Variants in IL31RA observed in about 807,000 individuals in gnomAD.
The protein encoded by IL31RA is interleukin-31 receptor subunit alpha.
Under a neutral mutation model 83.7 loss-of-function variants are expected in IL31RA, and 66 were observed. That is an observed-to-expected ratio of 0.79 (90% CI 0.65 to 0.97). IL31RA has a LOEUF of 0.97. Ranked by LOEUF, IL31RA falls within the 50% of genes least tolerant of loss-of-function variation. The probability of loss-of-function intolerance (pLI) is 0.00; values close to 1 mark genes in which losing one functional copy is unlikely to be tolerated. For synonymous variants in IL31RA, 325 were observed against 329.0 expected (o/e 0.99, Z 0.13); for missense variants, 798 against 919.4 (o/e 0.87, Z 1.71).
At chr5:55,891,997 G>C (rs931359067) in intron 6 of IL31RA, among the ~76,000 whole-genome samples, 1 of 151,758 alleles carries the variant, frequency 6.6e-6, no homozygotes, top group Non-Finnish European at 1.5e-5. Flanking sequence ...GGATAGTCTT[G>C]ATCTCCTGAC....
At chr5:55,859,712 G>A (rs1429099226) in intron 2 of IL31RA, 113 bp downstream of exon 2, 5 of 806,480 alleles carry the variant, frequency 6.2e-6, no homozygotes, top group Non-Finnish European at 1.1e-5. Flanking sequence ...GATAGAAAAG[G>A]GGACTTGTGA....
At position 55,917,144 on chromosome 5, in the gene IL31RA, C is replaced by T. The variant is rs552998087; in HGVS notation, c.*24C>T. 9.1e-5 allele frequency: 147 copies of T among 1,613,768 alleles called. 3 individuals carry two copies. The South Asian group carries it at 1.1e-3, about 12-fold the overall frequency. On this transcript the variant is annotated 3_prime_UTR_variant, in exon 15 of 15. Transcript: ENST00000652347. The stretch of plus-strand genomic sequence containing the variant: ...AAATGCGACCATAGCATGAGACCCT[C>T]GGGGCCTCAGTGTGGATGGCCCTTG...
chr5:55,856,720 T>G (rs1224633203), intron 1 of IL31RA, among the ~76,000 whole-genome samples: 1 of 152,198 alleles, frequency 6.6e-6, no homozygotes, highest in African/African-American at 2.4e-5. Flanking sequence ...GGTGAGGTCT[T>G]GTGGCTGCCC....
chr5:55,864,660 G>A (rs1189516823), intron 2 of IL31RA, among the ~76,000 whole-genome samples: 1 of 145,942 alleles, frequency 6.9e-6, no homozygotes, highest in Non-Finnish European at 1.5e-5. Context: ...CGCTCCAGCG[G>A]ACACACACTA....
chr5:55,888,271 T>C (rs1014463267), intron 5 of IL31RA, among the ~76,000 whole-genome samples: 2 of 152,120 alleles, frequency 1.3e-5, no homozygotes, highest in South Asian at 4.1e-4. Flanking sequence ...GATCAATTGA[T>C]CCTGGATCCT....
At position 55,919,555 on chromosome 5, in the gene IL31RA, G is replaced by A. The variant is rs2112607401; in HGVS notation, c.*2435G>A. ...ATCTTGTGCTTTGTTTTCCCCCACTGCCAGAGCTTCTCATCTTTTAACACT... is the reference window on the plus strand; with the variant it reads ...ATCTTGTGCTTTGTTTTCCCCCACTACCAGAGCTTCTCATCTTTTAACACT... On this transcript the variant is annotated 3_prime_UTR_variant, in exon 15 of 15. Transcript: ENST00000652347. Among the ~76,000 whole-genome samples the A allele has an allele frequency of 6.6e-6, 1 of 152,188 alleles. No homozygotes were observed. Among genetic ancestry groups the A allele is most frequent in the South Asian group, 2.1e-4 (1 of 4,822 alleles).
At chr5:55,867,223 GTGTGTGTGTT>G (rs1228379755) in intron 2 of IL31RA, among the ~76,000 whole-genome samples, 23 of 112,130 alleles carry the variant, frequency 2.1e-4, no homozygotes, top group African/African-American at 5.3e-4. Context: ...ATGTGTGTTT[GTGTGTGTGTT>G]TGTGTGTGTG....
chr5:55,884,598 C>A (rs145748549), intron 5 of IL31RA, among the ~76,000 whole-genome samples: 3 of 152,244 alleles, frequency 2.0e-5, no homozygotes, highest in African/African-American at 7.2e-5. Context: ...CCATGCCTGG[C>A]TGATTTTTAA....
chr5:55,848,471 A>T (rs1246189405), upstream of IL31RA, among the ~76,000 whole-genome samples: 1 of 151,920 alleles, frequency 6.6e-6, no homozygotes, highest in Non-Finnish European at 1.5e-5. Flanking sequence ...CTTTTTCAAC[A>T]TTTCCTTACT....
intron 2 of IL31RA, among the ~76,000 whole-genome samples, chr5:55,860,272 G>C (rs750378438): frequency 6.6e-6 from 1 of 152,082 alleles, no homozygotes; most frequent in Non-Finnish European, 1.5e-5. Context: ...GGGAGGCTGA[G>C]GTGGGAAGAT....
At position 55,906,289 on chromosome 5, in the gene IL31RA, G is replaced by T; in HGVS notation, c.1252+1G>T. ...GCCACGAACTGGACGATCCAGCAAG[G>T]TAGCCAGGGCGGAACTCACAGGTTC... On this transcript the variant is annotated splice_donor_variant, in intron 9 of 14. Transcript: ENST00000652347. LOFTEE classifies it high-confidence loss of function. 1 of 1,613,900 alleles carries T rather than the reference G, an allele frequency of 6.2e-7. No individual in the cohort carries two copies. Among genetic ancestry groups the T allele is most frequent in the East Asian group, 2.2e-5 (1 of 44,892 alleles).
At chr5:55,840,226 G>A in the IL31RA span, among the ~76,000 whole-genome samples, 4 of 152,298 alleles carry the variant, frequency 2.6e-5, no homozygotes, top group South Asian at 2.1e-4. Flanking sequence ...CAGCAGTCAC[G>A]CTGGTAGACT....
chr5:55,877,680 G>A (rs1168056684), intron 4 of IL31RA, among the ~76,000 whole-genome samples: 1 of 151,942 alleles, frequency 6.6e-6, no homozygotes, highest in East Asian at 1.9e-4. Flanking sequence ...CTGCCTTCTG[G>A]GCTCTAAGGT....
intron 10 of IL31RA, 54 bp downstream of exon 10, chr5:55,907,514 A>G: frequency 1.7e-6 from 2 of 1,203,990 alleles, no homozygotes; most frequent in South Asian, 1.2e-5. Flanking sequence ...CCTGTCCCAC[A>G]TGCCGATAAG....
At chr5:55,881,719 T>TA (rs1441096009) in intron 4 of IL31RA, among the ~76,000 whole-genome samples, 8 of 107,058 alleles carry the variant, frequency 7.5e-5, no homozygotes, top group Non-Finnish European at 1.5e-4. Flanking sequence ...TCCTGAGATT[T>TA]TTTTTTTTTT....
At chr5:55,890,960 C>T (rs254984) in intron 6 of IL31RA, among the ~76,000 whole-genome samples, 69,440 of 151,984 alleles carry the variant, frequency 0.46, 16,230 homozygotes, top group South Asian at 0.55. Flanking sequence ...CAGCAGTTTC[C>T]TCGCATTTAT....
At chr5:55,886,268 C>CTTGCTTTTTTTTTTTTT (rs1235138364) in intron 5 of IL31RA, among the ~76,000 whole-genome samples, 1 of 71,510 alleles carries the variant, frequency 1.4e-5, no homozygotes, top group African/African-American at 7.3e-5. Flanking sequence ...TGCTTGCTTG[C>CTTGCTTTTTTTTTTTTT]TTTTTTTTTT....
Position 55,913,477 on chromosome 5 carries a change from G to A in IL31RA, c.1643G>A (p.Ser548Asn). 6.2e-7 allele frequency: 1 copy of A among 1,600,422 alleles called. No homozygotes were observed. Among genetic ancestry groups the A allele is most frequent in the Non-Finnish European group, 8.6e-7 (1 of 1,167,556 alleles). ...TSINFKTLSF[S>N]VFEIILITSL... ...GACTTTTGTTCTTTGTTTTTCAAAGGTGTCTTTGAGATTATCCTCATAACT... is the reference window on the plus strand; with the variant it reads ...GACTTTTGTTCTTTGTTTTTCAAAGATGTCTTTGAGATTATCCTCATAACT... The change falls in exon 13 of 15, where the codon AGT becomes AAT. Residue 548 changes from serine to asparagine, a missense_variant and splice_region_variant. Physicochemically the swap from Ser to Asn is conservative, Grantham distance 46 (BLOSUM62 1). Transcript: ENST00000652347.
chr5:55,876,416 A>G (rs1746855971), intron 4 of IL31RA, among the ~76,000 whole-genome samples: 1 of 152,182 alleles, frequency 6.6e-6, no homozygotes, highest in African/African-American at 2.4e-5. Context: ...AAAAATATAT[A>G]TATTTTGATC....
Sources: gnomAD v4.1 joint callset for allele counts (sites outside exome capture counted in the v4.1 genomes callset) on GRCh38, gnomAD v4.1.1 for gene constraint, MANE v1.5 for transcripts, NCBI Gene and HGNC (gene_info 2026-07-23, HGNC 2026-07-21) for gene names.